CFAP47: variants seen among roughly 807,000 people sequenced by gnomAD.
CFAP47 encodes the protein cilia- and flagella-associated protein 47.
Under a neutral mutation model 148.1 loss-of-function variants are expected in CFAP47, and 29 were observed. That is an observed-to-expected ratio of 0.20 (90% confidence interval 0.15 to 0.27). The LOEUF is 0.27. CFAP47 is among the 10% of genes least tolerant of loss of function. The pLI is 1.00. For missense variants in CFAP47, 1,872 were observed against 1,697.5 expected (o/e 1.10, Z -1.81); for synonymous variants, 664 against 577.3 (o/e 1.15, Z -2.15).
At chrX:36,154,979 T>G (rs1256103420) in intron 37 of CFAP47, among the ~76,000 whole-genome samples, 2 of 111,104 alleles carry the variant, frequency 1.8e-5, no homozygotes, top group Non-Finnish European at 3.8e-5. Context: ...ATAGGTAGCT[T>G]ACAGACAACA....
intron 39 of CFAP47, among the ~76,000 whole-genome samples, chrX:36,167,218 G>T (rs150175397): frequency 3.9e-3 from 427 of 110,794 alleles, no homozygotes; most frequent in Non-Finnish European, 5.8e-3. Context: ...TTCAACTTTC[G>T]CTTGAATTTC....
At chrX:36,269,085 C>T (rs782616143) in intron 49 of CFAP47, among the ~76,000 whole-genome samples, 6 of 111,840 alleles carry the variant, frequency 5.4e-5, no homozygotes, top group African/African-American at 1.6e-4. Context: ...CCACTCTTTA[C>T]GCTTTTGTGA....
chrX:36,114,514 G>GT (rs748982956), intron 33 of CFAP47, among the ~76,000 whole-genome samples: 1 of 111,792 alleles, frequency 8.9e-6, no homozygotes, highest in African/African-American at 3.3e-5. Context: ...ACCTTTGGGT[G>GT]TTTTTTCTTT....
chrX:36,232,223 G>T (rs1348986419), intron 46 of CFAP47, among the ~76,000 whole-genome samples: 2 of 111,314 alleles, frequency 1.8e-5, no homozygotes, highest in Non-Finnish European at 3.8e-5. Flanking sequence ...GTAGAATTCG[G>T]CTGTGAATCC....
In CFAP47 at chrX:36,038,998, T is replaced by C. The variant is rs1280117352; in HGVS notation, c.3826T>C (p.Tyr1276His). The change falls in exon 25 of 64, where the codon TAC becomes CAC. Residue 1276 changes from tyrosine to histidine, a missense_variant. By Grantham distance (83) the Tyr-to-His change is moderately conservative. Transcript: ENST00000378653. ...TTTTTCATTAGATCGTCCTGGGACA[T>C]ACACAGCAGATATTCCTATGCTTTT... is the stretch of plus-strand genomic sequence containing the variant. ...ISFCPNRPGT[Y>H]TADIPMLLNY... is the part of the protein sequence containing the mutation. 1.8e-6 allele frequency: 2 copies of C among 1,106,007 alleles called. No homozygotes were observed. The highest frequency in any genetic ancestry group is 4.3e-5 in the South Asian group (2 of 46,216). 91.1% of individuals were successfully genotyped at this position (1,106,007 alleles called of 1,213,427 possible). A position where few individuals can be genotyped will look rare whatever the true frequency, so the allele number is the denominator to read the frequency against.
intron 22 of CFAP47, among the ~76,000 whole-genome samples, chrX:36,030,570 A>G (rs990011818): frequency 5.4e-5 from 6 of 110,841 alleles, no homozygotes; most frequent in Admixed American, 1.9e-4. Flanking sequence ...CATTAATTCC[A>G]GTGGCATAAT....
At chrX:36,177,061 AATT>A (rs1260649266) in intron 39 of CFAP47, among the ~76,000 whole-genome samples, 2 of 112,403 alleles carry the variant, frequency 1.8e-5, no homozygotes, top group Non-Finnish European at 3.8e-5. Flanking sequence ...CACTTTAAGT[AATT>A]ATTATGCAGA....
chrX:36,214,293 C>T (rs1197985432), intron 45 of CFAP47, among the ~76,000 whole-genome samples: 5 of 111,447 alleles, frequency 4.5e-5, no homozygotes, highest in Admixed American at 1.9e-4. Context: ...TATACCTGTA[C>T]AGGATACTTA....
At chrX:36,354,430 G>A (rs1357788497) in intron 60 of CFAP47, among the ~76,000 whole-genome samples, 3 of 97,537 alleles carry the variant, frequency 3.1e-5, no homozygotes, top group African/African-American at 1.2e-4. Flanking sequence ...GCAGTGAGCC[G>A]AGATCGTGCC....
intron 32 of CFAP47, among the ~76,000 whole-genome samples, chrX:36,103,723 C>G (rs919998449): frequency 1.6e-4 from 18 of 109,726 alleles, no homozygotes; most frequent in Non-Finnish European, 2.5e-4. Flanking sequence ...TGAGCTTACA[C>G]TGTGTACTTT....
intron 30 of CFAP47, among the ~76,000 whole-genome samples, chrX:36,093,737 T>A (rs1443947445): frequency 1.8e-5 from 2 of 111,310 alleles, no homozygotes; most frequent in African/African-American, 6.5e-5. Context: ...TAAAATTGGA[T>A]TTTTAGATAT....
At chrX:36,092,516 G>T (rs1028389211) in intron 30 of CFAP47, among the ~76,000 whole-genome samples, 5 of 111,001 alleles carry the variant, frequency 4.5e-5, no homozygotes, top group Non-Finnish European at 9.5e-5. Context: ...GCTGATTATA[G>T]GTCTAAGTAA....
chrX:36,322,514 AACT>A (rs1941486568), intron 57 of CFAP47, among the ~76,000 whole-genome samples: 1 of 111,202 alleles, frequency 9.0e-6, no homozygotes, highest in African/African-American at 3.3e-5. Context: ...ACCTTCTAAT[AACT>A]ACTTTTATTT....
At chrX:36,091,041 G>A (rs754983879) in intron 30 of CFAP47, among the ~76,000 whole-genome samples, 19 of 111,785 alleles carry the variant, frequency 1.7e-4, no homozygotes, top group Middle Eastern at 4.7e-3. Context: ...CTGACAAGAC[G>A]TAAAATCTAC....
intron 26 of CFAP47, among the ~76,000 whole-genome samples, chrX:36,057,312 C>A (rs1314647427): frequency 2.7e-5 from 3 of 111,579 alleles, no homozygotes; most frequent in South Asian, 3.7e-4. Flanking sequence ...TGATGCTGTG[C>A]AAATGTGCAG....
At chrX:36,172,605 T>G (rs1400517839) in intron 39 of CFAP47, among the ~76,000 whole-genome samples, 1 of 111,078 alleles carries the variant, frequency 9.0e-6, no homozygotes, top group Non-Finnish European at 1.9e-5. Flanking sequence ...TTACATTTAT[T>G]GATTTGCATA....
chrX:36,247,049 A>T (rs1448236867), intron 48 of CFAP47, among the ~76,000 whole-genome samples: 4 of 111,600 alleles, frequency 3.6e-5, no homozygotes, highest in African/African-American at 1.3e-4. Flanking sequence ...GGTGGATTGG[A>T]TAGAGAAAAT....
intron 53 of CFAP47, among the ~76,000 whole-genome samples, chrX:36,302,312 A>G (rs1556007969): frequency 1.8e-5 from 2 of 111,090 alleles, no homozygotes; most frequent in East Asian, 2.8e-4. Context: ...CTGACATATA[A>G]TGTTCTTTTT....
At chrX:36,247,724 A>G (rs186995683) in intron 48 of CFAP47, among the ~76,000 whole-genome samples, 2 of 111,349 alleles carry the variant, frequency 1.8e-5, no homozygotes, top group African/African-American at 6.5e-5. Flanking sequence ...TATTTTACTC[A>G]AAATCTGACA....
Sources: gnomAD v4.1 joint callset for allele counts (sites outside exome capture counted in the v4.1 genomes callset) on GRCh38, gnomAD v4.1.1 for gene constraint, MANE v1.5 for transcripts, NCBI Gene and HGNC (gene_info 2026-07-23, HGNC 2026-07-21) for gene names.